Variants in DOCK1 observed in about 807,000 individuals in gnomAD.
The protein encoded by DOCK1 is dedicator of cytokinesis 1.
A neutral mutation model predicts 262.7 loss-of-function variants in DOCK1; 138 were observed. That is an observed-to-expected ratio of 0.53 (90% confidence interval 0.46 to 0.61). The LOEUF is 0.61. Ranked by LOEUF, DOCK1 falls within the 20% of genes least tolerant of loss-of-function variation. The pLI, the probability that DOCK1 is intolerant of heterozygous loss-of-function variation, is 0.00. For missense variants in DOCK1, 1,908 were observed against 2,370.7 expected, an observed-to-expected ratio of 0.80 and a Z score of 4.05; for synonymous variants, 866 against 867.4, an observed-to-expected ratio of 1.00 and a Z score of 0.03.
chr10:126,960,757 C>G (rs1488566914), intron 1 of DOCK1, among the ~76,000 whole-genome samples: 2 of 136,446 alleles, frequency 1.5e-5, no homozygotes, highest in Non-Finnish European at 3.2e-5. Context: ...CACACACACA[C>G]ACACAGACAC....
intron 43 of DOCK1, among the ~76,000 whole-genome samples, chr10:127,413,567 A>G (rs2134417772): frequency 6.6e-6 from 1 of 152,298 alleles, no homozygotes; most frequent in African/African-American, 2.4e-5. Context: ...GGGGTGACTG[A>G]TGTGCTGGGG....
At chr10:127,195,608 G>A (rs1414850830) in intron 27 of DOCK1, among the ~76,000 whole-genome samples, 1 of 152,210 alleles carries the variant, frequency 6.6e-6, no homozygotes, top group South Asian at 2.1e-4. Context: ...AAACCTTCCG[G>A]GGAGACGGCC....
intron 7 of DOCK1, among the ~76,000 whole-genome samples, chr10:126,997,284 C>T (rs191150766): frequency 6.6e-6 from 1 of 152,102 alleles, no homozygotes; most frequent in East Asian, 1.9e-4. Context: ...ATCATGTATG[C>T]ATTAGCCTGT....
chr10:127,115,292 T>G (rs2049114855), intron 25 of DOCK1, among the ~76,000 whole-genome samples: 1 of 152,178 alleles, frequency 6.6e-6, no homozygotes, highest in Non-Finnish European at 1.5e-5. Context: ...ATTAGCATAC[T>G]GTGTGTGAGT....
chr10:126,978,114 T>TA, intron 3 of DOCK1, 126 bp downstream of exon 3: 2 of 921,124 alleles, frequency 2.2e-6, no homozygotes, highest in Non-Finnish European at 3.4e-6. Flanking sequence ...TTTAAAAAAA[T>TA]ATATGGGTAG....
chr10:127,008,632 T>C (rs1320389403), intron 10 of DOCK1, 100 bp from the exon 11 acceptor site: 1 of 995,630 alleles, frequency 1.0e-6, no homozygotes, highest in Non-Finnish European at 1.5e-6. Flanking sequence ...CAGCTTTTGC[T>C]GTTGTTTGCC....
At chr10:127,159,823 G>A (rs1292692150) in intron 27 of DOCK1, among the ~76,000 whole-genome samples, 1 of 152,096 alleles carries the variant, frequency 6.6e-6, no homozygotes, top group African/African-American at 2.4e-5. Context: ...GGTGGCTGCC[G>A]GCCTCAGCCT....
Position 126,992,445 on chromosome 10 carries a change from C to T in DOCK1, c.473+1842C>T, listed in dbSNP as rs568186093. Among the ~76,000 whole-genome samples the T allele has an allele frequency of 9.9e-5, 15 of 152,262 alleles. 1 individual carries two copies. Among genetic ancestry groups the T allele is most frequent in the Admixed American group, 4.6e-4 (7 of 15,298 alleles). On this transcript the variant is annotated intron_variant, in intron 6 of 51. Transcript: ENST00000623213. Reference sequence around the variant, plus strand: ...AGGCTCTTCCATAATTTCTCCAAAGCCCAGCGCTCTGCATATATCTTCCTA... The same window carrying T: ...AGGCTCTTCCATAATTTCTCCAAAGTCCAGCGCTCTGCATATATCTTCCTA...
At chr10:127,330,053 C>A (rs9663318) in intron 29 of DOCK1, among the ~76,000 whole-genome samples, 39,342 of 151,958 alleles carry the variant, frequency 0.26, 7,280 homozygotes, top group African/African-American at 0.53. Context: ...GCTAACTCCG[C>A]GTTGGGGCTC....
At position 127,414,177 on chromosome 10, in the gene DOCK1, G is replaced by C. The variant is rs61612075; in HGVS notation, c.4429-975G>C. Among the ~76,000 whole-genome samples, 998 of 152,270 alleles carry C rather than the reference G, an allele frequency of 6.6e-3. 11 individuals are homozygous for C. Among genetic ancestry groups the C allele is most frequent in the African/African-American group, 0.023 (951 of 41,542 alleles). On this transcript the variant is annotated intron_variant, in intron 43 of 51. Coordinates refer to ENST00000623213, the MANE Select transcript of DOCK1 (RefSeq NM_001290223.2). ...TCTGCCCGCCCTGGCCTCCCAAAGT[G>C]CTGGGATTACAGACGTGAGCCCCCC...
At chr10:127,289,957 ATTTC>A (rs1325066691) in intron 29 of DOCK1, among the ~76,000 whole-genome samples, 4 of 143,050 alleles carry the variant, frequency 2.8e-5, no homozygotes, top group Non-Finnish European at 6.2e-5. Context: ...TTACTTTTGT[ATTTC>A]TTTCTTCTGT....
At chr10:127,160,657 G>T (rs550311442) in intron 27 of DOCK1, among the ~76,000 whole-genome samples, 3 of 152,230 alleles carry the variant, frequency 2.0e-5, no homozygotes, top group Non-Finnish European at 2.9e-5. Context: ...TATGGCAATT[G>T]TCACACTGAA....
At chr10:127,030,606 T>C (rs560627329) in intron 16 of DOCK1, among the ~76,000 whole-genome samples, 46 of 152,328 alleles carry the variant, frequency 3.0e-4, no homozygotes, top group African/African-American at 1.1e-3. Flanking sequence ...ATCTGAAAGC[T>C]CATTTGTTTG....
chr10:127,133,399 A>G (rs572096885), intron 27 of DOCK1, among the ~76,000 whole-genome samples: 162 of 152,354 alleles, frequency 1.1e-3, no homozygotes, highest in African/African-American at 3.8e-3. Context: ...TGTGTTTCAA[A>G]TGGACAGTGT....
At chr10:127,296,883 C>T (rs533620469) in intron 29 of DOCK1, among the ~76,000 whole-genome samples, 11 of 152,188 alleles carry the variant, frequency 7.2e-5, no homozygotes, top group African/African-American at 1.9e-4. Context: ...CGCTCAGCCA[C>T]GGCAGCTGTG....
chr10:127,256,537 C>T (rs1223898910), intron 28 of DOCK1, among the ~76,000 whole-genome samples: 1 of 152,052 alleles, frequency 6.6e-6, no homozygotes, highest in African/African-American at 2.4e-5. Context: ...GGGATAGCCA[C>T]TTGTTTTGTT....
intron 28 of DOCK1, among the ~76,000 whole-genome samples, chr10:127,249,436 C>CATATATACATGTACATATATAT (rs2059549519): frequency 7.2e-5 from 1 of 13,906 alleles, no homozygotes; most frequent in African/African-American, 1.4e-4. Flanking sequence ...TATATATACA[C>CATATATACATGTACATATATAT]ACACACACAC....
At chr10:127,017,228 GAC>G (rs1222137327) in intron 12 of DOCK1, among the ~76,000 whole-genome samples, 2 of 144,770 alleles carry the variant, frequency 1.4e-5, no homozygotes, top group African/African-American at 5.2e-5. Flanking sequence ...ATTAAACACA[GAC>G]ACACACAGAT....
chr10:127,437,654 C>T lies in DOCK1; in HGVS notation c.5061-1373C>T, dbSNP rs568676502. 5.3e-5 allele frequency among the ~76,000 whole-genome samples: 8 copies of T among 152,124 alleles called. No individual in the cohort carries two copies. Among genetic ancestry groups the T allele is most frequent in the South Asian group, 2.1e-4 (1 of 4,810 alleles). On this transcript the variant is annotated intron_variant, in intron 48 of 51. Coordinates refer to ENST00000623213, the MANE Select transcript of DOCK1 (RefSeq NM_001290223.2). The surrounding 1 kb of genome is among the most constrained non-coding windows in gnomAD (Gnocchi z 4.4). ...CCACCATGCCCAGCTAATTTTTGTA[C>T]GTTTTATCGAGACTGGATCTTGCCA...
Sources: gnomAD v4.1 joint callset for allele counts (sites outside exome capture counted in the v4.1 genomes callset) on GRCh38, gnomAD v4.1.1 for gene constraint, Gnocchi (gnomAD v3.1) non-coding constraint, MANE v1.5 for transcripts, NCBI Gene and HGNC (gene_info 2026-07-23, HGNC 2026-07-21) for gene names.